The following GRID2 variants were observed in gnomAD, a reference collection of about 807,000 sequenced individuals.
GRID2 encodes the protein glutamate ionotropic receptor delta type subunit 2.
GRID2 carries 33 observed loss-of-function variants against 114.8 expected under a neutral mutation model. That is an observed-to-expected ratio of 0.29 (90% CI 0.22 to 0.38). GRID2 has a LOEUF of 0.38. Among genes scored for constraint, GRID2 ranks in the 10% least tolerant of loss-of-function variants. The pLI, the probability that GRID2 is intolerant of heterozygous loss-of-function variation, is 1.00. For missense variants in GRID2, 1,184 were observed against 1,257.7 expected, an observed-to-expected ratio of 0.94 and a Z score of 0.89; for synonymous variants, 505 against 449.9, an observed-to-expected ratio of 1.12 and a Z score of -1.55.
At chr4:93,428,605 A>G (rs944293291) in intron 10 of GRID2, among the ~76,000 whole-genome samples, 1 of 152,196 alleles carries the variant, frequency 6.6e-6, no homozygotes, top group Admixed American at 6.5e-5. Flanking sequence ...ACTTTCAAAC[A>G]CACATTTCTA....
At chr4:93,350,662 T>G in intron 8 of GRID2, among the ~76,000 whole-genome samples, 1 of 151,950 alleles carries the variant, frequency 6.6e-6, no homozygotes. Flanking sequence ...AACATATAAT[T>G]TAATTTTCAT....
intron 2 of GRID2, among the ~76,000 whole-genome samples, chr4:92,823,613 G>T (rs1464729031): frequency 6.6e-6 from 1 of 151,996 alleles, no homozygotes; most frequent in South Asian, 2.1e-4. Flanking sequence ...AAAAGTTCTA[G>T]ATTAAAAATG....
In GRID2 at chr4:92,937,088, TATC is replaced by T. The variant is rs1472510299; in HGVS notation, c.245-147905_245-147903del. Among the ~76,000 whole-genome samples, 4 of 146,610 alleles carry T rather than the reference TATC, an allele frequency of 2.7e-5. 1 individual carries two copies. Among genetic ancestry groups the T allele is most frequent in the Admixed American group, 1.5e-4 (2 of 13,512 alleles). On this transcript the variant is annotated intron_variant, in intron 2 of 15. Transcript: ENST00000282020. ...TTATACTTTCTGCATACTAGGCGGT[TATC>T]AGATATAAGATTTGCAAATATCTCC...
At chr4:93,777,957 G>T (rs1578789983), downstream of GRID2, among the ~76,000 whole-genome samples, 4 of 152,104 alleles carry the variant, frequency 2.6e-5, no homozygotes, top group South Asian at 6.2e-4. Flanking sequence ...TTGGACATCA[G>T]TATTATTTTT....
intron 1 of GRID2, among the ~76,000 whole-genome samples, chr4:92,583,861 A>T (rs1251429878): frequency 6.7e-6 from 1 of 149,870 alleles, no homozygotes; most frequent in East Asian, 1.9e-4. Context: ...CATGTATTAC[A>T]TAAATATATA....
Position 93,455,892 on chromosome 4 carries a change from C to T in GRID2, c.1776C>T (p.Pro592=). ...LLVYLLNWLN[P]PRLQMGSMTS... is the part of the protein sequence containing the mutation. ...TCTACCTCTTGAACTGGCTTAATCCCCCACGATTACAAATGGGATCAATGA... is the reference window on the plus strand; with the variant it reads ...TCTACCTCTTGAACTGGCTTAATCCTCCACGATTACAAATGGGATCAATGA... Residue 592 remains proline (P), a synonymous_variant, in exon 11 of 16, where the codon CCC becomes CCT. Coordinates refer to ENST00000282020, the MANE Select transcript of GRID2 (RefSeq NM_001510.4). 1 of 1,610,740 alleles carries T rather than the reference C, an allele frequency of 6.2e-7. No homozygotes were observed. Among genetic ancestry groups the T allele is most frequent in the Non-Finnish European group, 8.5e-7 (1 of 1,176,974 alleles).
At chr4:93,428,340 A>G (rs1438545170) in intron 10 of GRID2, among the ~76,000 whole-genome samples, 1 of 152,126 alleles carries the variant, frequency 6.6e-6, no homozygotes, top group Non-Finnish European at 1.5e-5. Context: ...TTAAACCATA[A>G]TTAGTACTGA....
intron 2 of GRID2, among the ~76,000 whole-genome samples, chr4:92,817,941 G>C (rs1741015161): frequency 6.6e-6 from 1 of 152,114 alleles, no homozygotes. Context: ...ATTATAAGTG[G>C]TAGAGTCAGG....
chr4:93,401,856 C>T lies in GRID2; in HGVS notation c.1347+6148C>T, dbSNP rs567101575. Among the ~76,000 whole-genome samples, 35 of 151,928 alleles carry T rather than the reference C, an allele frequency of 2.3e-4. 1 individual carries two copies. Among genetic ancestry groups the T allele is most frequent in the Non-Finnish European group, 4.3e-4 (29 of 67,954 alleles). On this transcript the variant is annotated intron_variant, in intron 9 of 15. Coordinates refer to ENST00000282020, the MANE Select transcript of GRID2 (RefSeq NM_001510.4). ...CCTGGCTGCAGCAGACAGCCACCTACTGAGTTATCATTTTGAGTAATTTCT... is the reference window on the plus strand; with the variant it reads ...CCTGGCTGCAGCAGACAGCCACCTATTGAGTTATCATTTTGAGTAATTTCT...
chr4:93,645,725 A>T (rs1172410169), intron 14 of GRID2, among the ~76,000 whole-genome samples: 1 of 152,152 alleles, frequency 6.6e-6, no homozygotes, highest in African/African-American at 2.4e-5. Context: ...GCTTCTATAG[A>T]AAATTCAGCT....
intron 2 of GRID2, among the ~76,000 whole-genome samples, chr4:92,929,575 A>G (rs886909998): frequency 2.6e-5 from 4 of 151,422 alleles, no homozygotes; most frequent in African/African-American, 7.2e-5. Context: ...ATAATATTGT[A>G]ACTTGTGAAC....
intron 2 of GRID2, among the ~76,000 whole-genome samples, chr4:92,757,586 G>C (rs889576522): frequency 6.6e-6 from 1 of 151,970 alleles, no homozygotes; most frequent in Non-Finnish European, 1.5e-5. Flanking sequence ...TCCACATACA[G>C]ATTATGTTTC....
At chr4:92,447,125 C>A (rs1001127431) in intron 1 of GRID2, among the ~76,000 whole-genome samples, 15 of 152,204 alleles carry the variant, frequency 9.9e-5, no homozygotes, top group Non-Finnish European at 2.9e-5. Context: ...AATAAGATTG[C>A]AGATAGTAAT....
In GRID2 at chr4:92,476,413, TGTA is replaced by T. The variant is rs537750007; in HGVS notation, c.89-113713_89-113711del. Among the ~76,000 whole-genome samples, 286 of 152,278 alleles carry T rather than the reference TGTA, an allele frequency of 1.9e-3. 1 individual carries two copies. Among genetic ancestry groups the T allele is most frequent in the African/African-American group, 6.3e-3 (263 of 41,564 alleles). On this transcript the variant is annotated intron_variant, in intron 1 of 15. Transcript: ENST00000282020. ...TTATTTAAACACGACAACAATCTAA[TGTA>T]GTAGATTCTTTATCTATAGAGGATG... is the stretch of plus-strand genomic sequence containing the variant.
intron 10 of GRID2, among the ~76,000 whole-genome samples, chr4:93,453,307 G>C (rs1336025748): frequency 7.2e-6 from 1 of 139,270 alleles, no homozygotes; most frequent in Non-Finnish European, 1.5e-5. Flanking sequence ...ACAAAACTCA[G>C]AGATGGGAAA....
chr4:92,325,262 A>G (rs1024670123), intron 1 of GRID2, among the ~76,000 whole-genome samples: 3 of 151,858 alleles, frequency 2.0e-5, no homozygotes, highest in South Asian at 2.1e-4. Context: ...GTGTTTTTAT[A>G]TGTAAAATGT....
chr4:93,510,451 C>T (rs4693328), intron 12 of GRID2, among the ~76,000 whole-genome samples: 38,718 of 151,902 alleles, frequency 0.25, 5,171 homozygotes, highest in Non-Finnish European at 0.3. Flanking sequence ...AGAGGGGTTA[C>T]GCATTAGATT....
chr4:92,927,658 G>A (rs941271012), intron 2 of GRID2, among the ~76,000 whole-genome samples: 3 of 151,794 alleles, frequency 2.0e-5, no homozygotes, highest in African/African-American at 7.2e-5. Context: ...TTGCTATACA[G>A]ATTTGAGATC....
intron 12 of GRID2, among the ~76,000 whole-genome samples, chr4:93,495,774 G>A (rs1727475552): frequency 6.6e-6 from 1 of 151,702 alleles, no homozygotes; most frequent in South Asian, 2.1e-4. Flanking sequence ...AGAGGATTAA[G>A]GGTAACTTAG....
Sources: gnomAD v4.1 joint callset for allele counts (sites outside exome capture counted in the v4.1 genomes callset) on GRCh38, gnomAD v4.1.1 for gene constraint, MANE v1.5 for transcripts, NCBI Gene and HGNC (gene_info 2026-07-23, HGNC 2026-07-21) for gene names.